BBS9: variants seen among roughly 807,000 people sequenced by gnomAD.
BBS9 encodes Bardet-Biedl syndrome 9, also known as protein PTHB1.
Under a neutral mutation model 117.7 loss-of-function variants are expected in BBS9, and 89 were observed. The observed-to-expected ratio is 0.76, with a 90% confidence interval of 0.64 to 0.90. The LOEUF (loss-of-function observed/expected upper bound fraction) is 0.90. Ranked by LOEUF, BBS9 falls within the 40% of genes least tolerant of loss-of-function variation. The probability of loss-of-function intolerance (pLI) is 0.00; values close to 1 mark genes in which losing one functional copy is unlikely to be tolerated. For synonymous variants in BBS9, 379 were observed against 370.9 expected (o/e 1.02, Z -0.25); for missense variants, 982 against 1,042.2 (o/e 0.94, Z 0.80).
intron 7 of BBS9, among the ~76,000 whole-genome samples, chr7:33,268,528 G>A (rs1487203156): frequency 6.6e-6 from 1 of 152,166 alleles, no homozygotes; most frequent in African/African-American, 2.4e-5. Context: ...TTGTTGTCTG[G>A]TGTCCAGTGC....
intron 21 of BBS9, among the ~76,000 whole-genome samples, chr7:33,559,377 A>G (rs1345791308): frequency 6.6e-6 from 1 of 152,186 alleles, no homozygotes; most frequent in East Asian, 1.9e-4. Context: ...CTCTTTAAGA[A>G]TGGAGTTAGC....
chr7:33,418,598 G>A (rs1395746201), intron 19 of BBS9, among the ~76,000 whole-genome samples: 1 of 152,196 alleles, frequency 6.6e-6, no homozygotes, highest in Non-Finnish European at 1.5e-5. Context: ...GGCTCAGATT[G>A]AATTGCAGGC....
At position 33,217,550 on chromosome 7, in the gene BBS9, T is replaced by C. The variant is rs540449668; in HGVS notation, c.443-39686T>C. Among the ~76,000 whole-genome samples, 6 of 152,356 alleles carry C rather than the reference T, an allele frequency of 3.9e-5. No homozygotes were observed. In the East Asian group the frequency reaches 1.2e-3, roughly 29 times the overall value. On this transcript the variant is annotated intron_variant, in intron 5 of 22. Transcript: ENST00000242067. The stretch of plus-strand genomic sequence containing the variant: ...TTACTTAAATTTTATGTGGACTCCA[T>C]ATAATGTTCATAATACAAATACATT...
chr7:33,565,781 G>GTATATA lies in BBS9; in HGVS notation c.2521+31646_2521+31651dup, dbSNP rs70989957. On this transcript the variant is annotated intron_variant, in intron 21 of 22. Transcript: ENST00000242067. ...ATACAAAACATTAAGGCTATCAGTAGTATATATATATATATATATATATAT... is the reference window on the plus strand; with the variant it reads ...ATACAAAACATTAAGGCTATCAGTAGTATATATATATATATATATATATATATATAT... Among the ~76,000 whole-genome samples, 120 of 65,618 alleles carry GTATATA rather than the reference G, an allele frequency of 1.8e-3. 1 individual carries two copies. Among genetic ancestry groups the GTATATA allele is most frequent in the Non-Finnish European group, 2.7e-3 (85 of 31,736 alleles). 43.0% of individuals were successfully genotyped at this position (65,618 alleles called of 152,430 possible).
At chr7:33,339,810 T>C (rs1816137809) in intron 10 of BBS9, among the ~76,000 whole-genome samples, 1 of 151,924 alleles carries the variant, frequency 6.6e-6, no homozygotes, top group South Asian at 2.1e-4. Context: ...AAACAACAAA[T>C]GGTCAGTGGA....
intron 20 of BBS9, among the ~76,000 whole-genome samples, chr7:33,514,637 G>A (rs1249890528): frequency 2.0e-5 from 3 of 152,098 alleles, no homozygotes; most frequent in Non-Finnish European, 4.4e-5. Context: ...GAAAAATATA[G>A]AATAAGTTTT....
intron 19 of BBS9, among the ~76,000 whole-genome samples, chr7:33,406,403 G>A (rs1829998845): frequency 6.6e-6 from 1 of 152,054 alleles, no homozygotes; most frequent in South Asian, 2.1e-4. Flanking sequence ...GCTAGTCTGT[G>A]TCTTTTAATT....
At chr7:33,322,576 A>G (rs1811963768) in intron 9 of BBS9, among the ~76,000 whole-genome samples, 1 of 151,932 alleles carries the variant, frequency 6.6e-6, no homozygotes, top group Non-Finnish European at 1.5e-5. Flanking sequence ...TTGCAATATC[A>G]GTTGTACTGT....
intron 9 of BBS9, among the ~76,000 whole-genome samples, chr7:33,289,922 T>G (rs1803671981): frequency 6.6e-6 from 1 of 151,930 alleles, no homozygotes; most frequent in Admixed American, 6.6e-5. Context: ...CAGGTGTGCC[T>G]GTAGTCCCAG....
downstream of BBS9, among the ~76,000 whole-genome samples, chr7:33,609,992 G>C (rs998456493): frequency 2.0e-5 from 3 of 152,022 alleles, no homozygotes; most frequent in Non-Finnish European, 2.9e-5. Context: ...ACAAGGGGAA[G>C]ACAGGCAGAA....
At chr7:33,390,897 C>CT (rs983676702) in intron 19 of BBS9, among the ~76,000 whole-genome samples, 13 of 152,034 alleles carry the variant, frequency 8.6e-5, no homozygotes, top group African/African-American at 3.1e-4. Flanking sequence ...ATCTAGCTCT[C>CT]TTTTTTCTTT....
At chr7:33,537,640 C>G (rs1851656209) in intron 21 of BBS9, among the ~76,000 whole-genome samples, 1 of 152,152 alleles carries the variant, frequency 6.6e-6, no homozygotes, top group Admixed American at 6.6e-5. Context: ...TTTTAAAAAT[C>G]TGAGTGTAAG....
chr7:33,166,187 C>T (rs1446151742), intron 4 of BBS9, among the ~76,000 whole-genome samples: 7 of 152,172 alleles, frequency 4.6e-5, no homozygotes, highest in African/African-American at 7.2e-5. Context: ...CAGCAAATAT[C>T]GCAGAAGAGC....
At chr7:33,390,693 T>C (rs1308546350) in intron 19 of BBS9, 2 of 788,470 alleles carry the variant, frequency 2.5e-6, no homozygotes, top group African/African-American at 1.9e-5. Flanking sequence ...ATGAATATAA[T>C]TTCCCAAAGA....
At chr7:33,279,332 T>C (rs7790741) in intron 9 of BBS9, among the ~76,000 whole-genome samples, 75,427 of 152,100 alleles carry the variant, frequency 0.5, 19,080 homozygotes, top group Admixed American at 0.57. Flanking sequence ...CACCTTGGCC[T>C]CCCCAAGTGC....
chr7:33,129,290 G>T (rs994230347), upstream of BBS9: 4 of 551,164 alleles, frequency 7.3e-6, no homozygotes, highest in African/African-American at 5.8e-5. Context: ...CGGCCGGGGG[G>T]GCGTGGCCTG....
chr7:33,495,551 A>G (rs913114802), intron 19 of BBS9, among the ~76,000 whole-genome samples: 1 of 152,188 alleles, frequency 6.6e-6, no homozygotes. Context: ...CATAGATTCC[A>G]GCTTTAATAG....
chr7:33,175,962 G>A (rs556273556), intron 4 of BBS9, among the ~76,000 whole-genome samples: 1 of 152,248 alleles, frequency 6.6e-6, no homozygotes, highest in African/African-American at 2.4e-5. Context: ...GGCAAGTTAT[G>A]GGAAGGTGAC....
At chr7:33,608,668 G>C (rs1161989362), downstream of BBS9, among the ~76,000 whole-genome samples, 1 of 151,800 alleles carries the variant, frequency 6.6e-6, no homozygotes, top group African/African-American at 2.4e-5. Flanking sequence ...TTGAATGCTT[G>C]CCTGTTCATG....
Sources: gnomAD v4.1 joint callset for allele counts (sites outside exome capture counted in the v4.1 genomes callset) on GRCh38, gnomAD v4.1.1 for gene constraint, MANE v1.5 for transcripts, NCBI Gene and HGNC (gene_info 2026-07-23, HGNC 2026-07-21) for gene names.